The following CDH18 variants were observed in gnomAD, a reference collection of about 807,000 sequenced individuals.
CDH18 encodes the protein cadherin-18.
A neutral mutation model predicts 67.9 loss-of-function variants in CDH18; 31 were observed. That is an observed-to-expected ratio of 0.46 (90% CI 0.34 to 0.62). CDH18 has a LOEUF of 0.62. CDH18 is among the 20% of genes least tolerant of loss of function. The probability of loss-of-function intolerance (pLI) is 0.01; values close to 1 mark genes in which losing one functional copy is unlikely to be tolerated. For missense variants in CDH18, 890 were observed against 975.5 expected, an observed-to-expected ratio of 0.91 and a Z score of 1.17; for synonymous variants, 362 against 347.2, an observed-to-expected ratio of 1.04 and a Z score of -0.48.
intron 2 of CDH18, among the ~76,000 whole-genome samples, chr5:20,128,937 A>T (rs542146566): frequency 1.3e-5 from 2 of 152,106 alleles, no homozygotes; most frequent in African/African-American, 4.8e-5. Flanking sequence ...TTGATCTTCT[A>T]TAAAGGAAGA....
chr5:20,102,330 C>T (rs893542182), intron 2 of CDH18, among the ~76,000 whole-genome samples: 21 of 152,086 alleles, frequency 1.4e-4, no homozygotes, highest in African/African-American at 4.8e-4. Flanking sequence ...TCTGTTTCCC[C>T]TTAATACCCT....
intron 3 of CDH18, among the ~76,000 whole-genome samples, chr5:19,757,205 T>C (rs558036737): frequency 1.3e-5 from 2 of 152,294 alleles, no homozygotes; most frequent in South Asian, 4.1e-4. Flanking sequence ...CCATGGATGG[T>C]AGTCTTGGCA....
intron 1 of CDH18, among the ~76,000 whole-genome samples, chr5:20,376,897 G>A (rs1435779089): frequency 2.0e-5 from 3 of 151,970 alleles, no homozygotes; most frequent in Non-Finnish European, 4.4e-5. Context: ...GGTGGCTGTA[G>A]TCCCAGCTAC....
chr5:19,914,463 A>C (rs1791529052), intron 2 of CDH18, among the ~76,000 whole-genome samples: 1 of 152,138 alleles, frequency 6.6e-6, no homozygotes, highest in Non-Finnish European at 1.5e-5. Context: ...CTATCTATAT[A>C]CACACATAAG....
At chr5:20,104,481 A>G (rs1396183105) in intron 2 of CDH18, among the ~76,000 whole-genome samples, 1 of 152,192 alleles carries the variant, frequency 6.6e-6, no homozygotes, top group East Asian at 1.9e-4. Flanking sequence ...GTGCTCTCTT[A>G]GAATGCGAGT....
At chr5:19,485,875 T>C (rs1460388297) in intron 11 of CDH18, among the ~76,000 whole-genome samples, 1 of 152,180 alleles carries the variant, frequency 6.6e-6, no homozygotes, top group Non-Finnish European at 1.5e-5. Flanking sequence ...ACATGCAGTG[T>C]AGATGGCGGC....
chr5:20,293,273 C>T (rs2007239), intron 1 of CDH18, among the ~76,000 whole-genome samples: 10 of 151,968 alleles, frequency 6.6e-5, no homozygotes, highest in Non-Finnish European at 7.4e-5. Flanking sequence ...GCTGAGATCA[C>T]GCCATTGCAC....
chr5:19,993,124 A>G (rs1488074663), upstream of CDH18, among the ~76,000 whole-genome samples: 8 of 152,192 alleles, frequency 5.3e-5, no homozygotes, highest in African/African-American at 1.9e-4. Context: ...TACAAATTTC[A>G]TAAAGGATCT....
chr5:19,957,783 T>A (rs920905077), intron 2 of CDH18, among the ~76,000 whole-genome samples: 42 of 152,038 alleles, frequency 2.8e-4, no homozygotes, highest in African/African-American at 9.9e-4. Context: ...ATTTATGAGA[T>A]GATGTACAAT....
At chr5:19,825,459 G>A (rs575631348) in intron 3 of CDH18, among the ~76,000 whole-genome samples, 2 of 152,174 alleles carry the variant, frequency 1.3e-5, no homozygotes, top group East Asian at 2.0e-4. Flanking sequence ...CTGCAGGCAG[G>A]TGCAACCCCA....
chr5:20,034,545 C>T (rs1561733972), intron 2 of CDH18, among the ~76,000 whole-genome samples: 1 of 151,976 alleles, frequency 6.6e-6, no homozygotes, highest in African/African-American at 2.4e-5. Flanking sequence ...AAGCAGATTG[C>T]CTTTTCCAAT....
chr5:20,439,888 T>C (rs913388991), intron 1 of CDH18, among the ~76,000 whole-genome samples: 4 of 151,794 alleles, frequency 2.6e-5, no homozygotes, highest in African/African-American at 9.7e-5. Context: ...TTTGAAGTAC[T>C]TCCAAAAATG....
chr5:19,815,135 CA>C (rs2149915494), intron 3 of CDH18, among the ~76,000 whole-genome samples: 1 of 152,038 alleles, frequency 6.6e-6, no homozygotes, highest in Admixed American at 6.6e-5. Context: ...ATAATATACT[CA>C]AATAAAATTC....
rs1039452717 is a variant in CDH18 at position 19,917,269 on chromosome 5, G to A, written c.-257+63791C>T. On this transcript the variant is annotated intron_variant, in intron 2 of 12. Coordinates refer to ENST00000382275, the MANE Select transcript of CDH18 (RefSeq NM_004934.5). ...TTTTTCCATGTACTTTAACCATTGG[G>A]GGATCTTTTGTGTCAAATGTTATTC... 4.6e-5 allele frequency among the ~76,000 whole-genome samples: 7 copies of A among 152,066 alleles called. No individual in the cohort carries two copies. The South Asian group carries it at 1.2e-3, about 27-fold the overall frequency.
In CDH18 at chr5:19,974,348, G is replaced by A. The variant is rs998329958; in HGVS notation, c.-257+6712C>T. Among the ~76,000 whole-genome samples the A allele has an allele frequency of 3.3e-5, 5 of 151,588 alleles. No homozygotes were observed. In the South Asian group the frequency reaches 6.2e-4, roughly 19 times the overall value. ...GGAGTTCGAGACTAGCCTGGCCAAT[G>A]TGGTGAAACCCCGTCTCTACTAAAA... is the stretch of plus-strand genomic sequence containing the variant. On this transcript the variant is annotated intron_variant, in intron 2 of 12. Transcript: ENST00000382275.
chr5:19,502,438 T>G (rs920449518), intron 11 of CDH18, among the ~76,000 whole-genome samples: 2 of 152,164 alleles, frequency 1.3e-5, no homozygotes, highest in African/African-American at 4.8e-5. Context: ...TATGGGATTA[T>G]TTTTAACCAC....
At chr5:20,203,585 G>GAGAGAGAGAC (rs891281388) in intron 2 of CDH18, among the ~76,000 whole-genome samples, 2 of 151,282 alleles carry the variant, frequency 1.3e-5, no homozygotes, top group African/African-American at 2.4e-5. Flanking sequence ...AGGGAAAAGA[G>GAGAGAGAGAC]AGAGAGAGAG....
At chr5:20,150,856 C>A (rs183966435) in intron 2 of CDH18, among the ~76,000 whole-genome samples, 32 of 152,050 alleles carry the variant, frequency 2.1e-4, no homozygotes, top group African/African-American at 7.5e-4. Context: ...AATAATAATA[C>A]TGACTAAAAA....
intron 1 of CDH18, among the ~76,000 whole-genome samples, chr5:20,552,473 T>C (rs997438132): frequency 2.0e-5 from 3 of 151,982 alleles, no homozygotes; most frequent in African/African-American, 7.2e-5. Flanking sequence ...TAAGACTCAG[T>C]TTCAAACAAA....
Sources: gnomAD v4.1 joint callset for allele counts (sites outside exome capture counted in the v4.1 genomes callset) on GRCh38, gnomAD v4.1.1 for gene constraint, MANE v1.5 for transcripts, NCBI Gene and HGNC (gene_info 2026-07-23, HGNC 2026-07-21) for gene names.